The following KIF6 variants were observed in gnomAD, a reference collection of about 807,000 sequenced individuals.
KIF6 encodes the protein kinesin-like protein KIF6.
A neutral mutation model predicts 112.7 loss-of-function variants in KIF6; 106 were observed. The observed-to-expected ratio is 0.94, with a 90% CI of 0.80 to 1.11. The LOEUF is 1.11. KIF6 is among the 50% of genes least tolerant of loss of function. The pLI is 0.00. For synonymous variants in KIF6, 339 were observed against 339.9 expected (o/e 1.00, Z 0.03); for missense variants, 929 against 964.0 (o/e 0.96, Z 0.48).
At chr6:39,686,983 C>T (rs1047933359) in intron 3 of KIF6, among the ~76,000 whole-genome samples, 1 of 152,086 alleles carries the variant, frequency 6.6e-6, no homozygotes, top group Admixed American at 6.6e-5. Context: ...AATGAAGCTA[C>T]ACTTTAGGAG....
chr6:39,336,801 T>TTTTC (rs56693059), intron 22 of KIF6, among the ~76,000 whole-genome samples: 23,803 of 150,724 alleles, frequency 0.16, 1,927 homozygotes, highest in Middle Eastern at 0.25. Context: ...TTTTCTTTCC[T>TTTTC]TTTCTTTCTT....
At chr6:39,357,973 A>T (rs1266910715) in intron 18 of KIF6, among the ~76,000 whole-genome samples, 1 of 152,158 alleles carries the variant, frequency 6.6e-6, no homozygotes, top group Non-Finnish European at 1.5e-5. Flanking sequence ...ATAGGAAAAA[A>T]TTGTTTAAAA....
intron 13 of KIF6, 88 bp downstream of exon 13, chr6:39,539,915 C>T: frequency 1.1e-6 from 1 of 900,582 alleles, no homozygotes; most frequent in Non-Finnish European, 1.7e-6. Flanking sequence ...AGAAATTGAG[C>T]CTTCATCCTG....
intron 6 of KIF6, among the ~76,000 whole-genome samples, chr6:39,601,941 G>A (rs926644738): frequency 2.0e-5 from 3 of 151,936 alleles, no homozygotes; most frequent in East Asian, 1.9e-4. Flanking sequence ...CTCTCCACCC[G>A]GTTAGGTAAC....
chr6:39,546,965 A>T (rs1779102849), intron 10 of KIF6, among the ~76,000 whole-genome samples: 1 of 152,182 alleles, frequency 6.6e-6, no homozygotes. Flanking sequence ...GGTTCTCAAC[A>T]CAAATATGTT....
intron 13 of KIF6, among the ~76,000 whole-genome samples, chr6:39,521,794 T>C (rs1208643430): frequency 6.6e-6 from 1 of 152,092 alleles, no homozygotes; most frequent in Non-Finnish European, 1.5e-5. Context: ...AGCATATCAT[T>C]AAAAACCCAA....
intron 15 of KIF6, among the ~76,000 whole-genome samples, chr6:39,392,499 C>T (rs959562206): frequency 2.0e-5 from 3 of 151,978 alleles, no homozygotes; most frequent in Non-Finnish European, 2.9e-5. Context: ...GGATACTTAA[C>T]GAGATTAATG....
At chr6:39,460,474 T>G (rs957153797) in intron 13 of KIF6, among the ~76,000 whole-genome samples, 1 of 129,326 alleles carries the variant, frequency 7.7e-6, no homozygotes, top group Non-Finnish European at 1.6e-5. Flanking sequence ...TGTATACATA[T>G]GTAACTAACC....
rs1562112885 is a variant in KIF6 at position 39,346,087 on chromosome 6, C to CT, written c.2232-299_2232-298insA. Among the ~76,000 whole-genome samples the CT allele has an allele frequency of 6.4e-3, 18 of 2,824 alleles. 2 individuals are homozygous for CT. Among genetic ancestry groups the CT allele is most frequent in the African/African-American group, 0.016 (15 of 912 alleles). 1.9% of individuals were successfully genotyped at this position (2,824 alleles called of 152,430 possible). Reference sequence around the variant, plus strand: ...CTCTCTCTCTCTCTCTCTCTCTCTCCCCCCCCTCTCCCTCCCCCCCTCCCT... The same window carrying CT: ...CTCTCTCTCTCTCTCTCTCTCTCTCCTCCCCCCTCTCCCTCCCCCCCTCCCT... On this transcript the variant is annotated intron_variant, in intron 20 of 22. Coordinates refer to ENST00000287152, the MANE Select transcript of KIF6 (RefSeq NM_145027.6).
chr6:39,535,397 G>A (rs1778360698), intron 13 of KIF6, among the ~76,000 whole-genome samples: 1 of 151,888 alleles, frequency 6.6e-6, no homozygotes, highest in African/African-American at 2.4e-5. Context: ...AACAAAAAAA[G>A]GCAGGGGTTG....
At chr6:39,592,106 C>T (rs547606744) in intron 7 of KIF6, among the ~76,000 whole-genome samples, 340 of 151,086 alleles carry the variant, frequency 2.3e-3, no homozygotes, top group African/African-American at 7.8e-3. Context: ...AGTGAGACTC[C>T]GTCTCAAAAA....
chr6:39,485,720 A>G (rs778095517), intron 13 of KIF6, among the ~76,000 whole-genome samples: 1 of 152,152 alleles, frequency 6.6e-6, no homozygotes, highest in African/African-American at 2.4e-5. Flanking sequence ...GAACACAACA[A>G]ACAGCAAGCC....
chr6:39,551,834 A>T (rs1779400580), intron 10 of KIF6, among the ~76,000 whole-genome samples: 1 of 152,236 alleles, frequency 6.6e-6, no homozygotes, highest in Non-Finnish European at 1.5e-5. Context: ...AAACTTTCTC[A>T]TTTGTAAAAT....
chr6:39,534,242 C>T (rs1330357079), intron 13 of KIF6, among the ~76,000 whole-genome samples: 1 of 152,162 alleles, frequency 6.6e-6, no homozygotes, highest in Non-Finnish European at 1.5e-5. Context: ...GAGAAGAAGG[C>T]TTCAGACGAT....
At position 39,598,550 on chromosome 6, in the gene KIF6, A is replaced by G. The variant is rs576655128; in HGVS notation, c.640-2290T>C. ...AAACTACTAGATATATTTCCTAGAGAGAAATCTTGGGCAGGTATACATATA... is the reference window on the plus strand; with the variant it reads ...AAACTACTAGATATATTTCCTAGAGGGAAATCTTGGGCAGGTATACATATA... On this transcript the variant is annotated intron_variant, in intron 6 of 22. Transcript: ENST00000287152. Among the ~76,000 whole-genome samples the G allele has an allele frequency of 2.0e-5, 3 of 152,014 alleles. No individual in the cohort carries two copies. The South Asian group carries it at 6.2e-4, about 32-fold the overall frequency.
chr6:39,582,088 G>A (rs1781330261), intron 9 of KIF6, among the ~76,000 whole-genome samples: 1 of 152,120 alleles, frequency 6.6e-6, no homozygotes, highest in African/African-American at 2.4e-5. Flanking sequence ...TCCTGAGATA[G>A]TAACTACATT....
chr6:39,538,766 A>G (rs1015607894), intron 13 of KIF6, among the ~76,000 whole-genome samples: 1 of 148,914 alleles, frequency 6.7e-6, no homozygotes, highest in Admixed American at 6.7e-5. Flanking sequence ...ACACATGCAC[A>G]CATATGTTTA....
At chr6:39,506,802 G>A (rs1261548331) in intron 13 of KIF6, among the ~76,000 whole-genome samples, 1 of 152,076 alleles carries the variant, frequency 6.6e-6, no homozygotes, top group Non-Finnish European at 1.5e-5. Context: ...ATGATTAGAG[G>A]GTTGAAACTT....
At chr6:39,568,130 G>A (rs140060715) in intron 10 of KIF6, among the ~76,000 whole-genome samples, 53 of 152,306 alleles carry the variant, frequency 3.5e-4, no homozygotes, top group Admixed American at 1.1e-3. Context: ...CTCAGACAAC[G>A]TCCTGGTCCT....
Sources: gnomAD v4.1 joint callset for allele counts (sites outside exome capture counted in the v4.1 genomes callset) on GRCh38, gnomAD v4.1.1 for gene constraint, MANE v1.5 for transcripts, NCBI Gene and HGNC (gene_info 2026-07-23, HGNC 2026-07-21) for gene names.